Variants in PBK observed in about 807,000 individuals in gnomAD.
PBK encodes PDZ binding kinase, also known as lymphokine-activated killer T-cell-originated protein kinase.
In PBK, 22 loss-of-function variants were observed where a neutral mutation model predicts 33.5. That is an observed-to-expected ratio of 0.66 (90% CI 0.47 to 0.94). The LOEUF (loss-of-function observed/expected upper bound fraction) is 0.94, where lower values mean the gene tolerates loss of function less well. Among genes scored for constraint, PBK ranks in the 40% least tolerant of loss-of-function variants. The pLI is 0.00. For synonymous variants in PBK, 129 were observed against 123.8 expected, an observed-to-expected ratio of 1.04 and a Z score of -0.28; for missense variants, 376 against 383.4, an observed-to-expected ratio of 0.98 and a Z score of 0.16.
intron 2 of PBK, among the ~76,000 whole-genome samples, chr8:27,832,049 T>C (rs1806140669): frequency 6.6e-6 from 1 of 151,964 alleles, no homozygotes; most frequent in Non-Finnish European, 1.5e-5. Flanking sequence ...TAGACAGATA[T>C]CCCAAAAAGA....
rs1010197197 is a variant in PBK, at chr8:27,834,324, T to C, written c.-20-1191A>G. Among the ~76,000 whole-genome samples, 17 of 151,964 alleles carry C rather than the reference T, an allele frequency of 1.1e-4. 1 individual carries two copies. Among genetic ancestry groups the C allele is most frequent in the South Asian group, 4.1e-4 (2 of 4,828 alleles). Reference sequence around the variant, plus strand: ...TTACAGGCATAAGCCACCGTGCCCGTCCAATGATCCCATTTTTAGGAAATG... The same window carrying C: ...TTACAGGCATAAGCCACCGTGCCCGCCCAATGATCCCATTTTTAGGAAATG... On this transcript the variant is annotated intron_variant, in intron 1 of 7. Transcript: ENST00000301905.
chr8:27,823,802 C>A (rs10112313), intron 3 of PBK, among the ~76,000 whole-genome samples: 1 of 151,776 alleles, frequency 6.6e-6, no homozygotes, highest in East Asian at 1.9e-4. Flanking sequence ...AGCCATTTTA[C>A]AAATATTTAA....
intron 2 of PBK, among the ~76,000 whole-genome samples, chr8:27,828,574 AACATAAAGAGACTCCATCTCTAC>A (rs1165681954): frequency 4.6e-5 from 7 of 151,852 alleles, no homozygotes; most frequent in Non-Finnish European, 1.0e-4. Flanking sequence ...CAGCTTGGGC[AACATAAAGAGACTCCATCTCTAC>A]ACACGAAAAA....
At chr8:27,832,640 T>A (rs1290294916) in intron 2 of PBK, among the ~76,000 whole-genome samples, 1 of 152,226 alleles carries the variant, frequency 6.6e-6, no homozygotes, top group Non-Finnish European at 1.5e-5. Flanking sequence ...ATTGTAGCTA[T>A]TTTTTATATA....
At chr8:27,822,514 A>T in intron 4 of PBK, 26 bp from the exon 5 acceptor site, 2 of 1,487,420 alleles carry the variant, frequency 1.3e-6, no homozygotes, top group Non-Finnish European at 1.8e-6. Context: ...ACATTTCTTC[A>T]CTAATATAGA....
Position 27,810,070 on chromosome 8 carries a change from A to AT in PBK, c.*234dup. ...AGTGTTTTAAGTCAGCATGAGCAGT[A>AT]TCAAAGTACTTATGTAGCTAGTTTC... On this transcript the variant is annotated 3_prime_UTR_variant, in exon 8 of 8. Coordinates refer to ENST00000301905, the MANE Select transcript of PBK (RefSeq NM_018492.4). 2.0e-6 allele frequency: 1 copy of AT among 487,994 alleles called. No individual in the cohort carries two copies. Among genetic ancestry groups the AT allele is most frequent in the Non-Finnish European group, 3.6e-6 (1 of 277,628 alleles). The allele number at this position is 487,994 out of a possible 1,614,324, so 30.2% of individuals were successfully genotyped here.
intron 6 of PBK, chr8:27,812,624 G>GAAAAAAAAAA (rs34477454): frequency 1.6e-5 from 2 of 124,628 alleles, no homozygotes; most frequent in African/African-American, 3.0e-5. Context: ...AAATTTACAA[G>GAAAAAAAAAA]AAAAAAAAAA....
intron 6 of PBK, among the ~76,000 whole-genome samples, chr8:27,818,023 C>G (rs1315933644): frequency 4.6e-5 from 7 of 152,190 alleles, no homozygotes; most frequent in Non-Finnish European, 2.9e-5. Context: ...CAGCTCATAA[C>G]TACTGTATTG....
chr8:27,811,658 T>A (rs1351998750), intron 6 of PBK, among the ~76,000 whole-genome samples: 2 of 152,152 alleles, frequency 1.3e-5, no homozygotes, highest in Non-Finnish European at 1.5e-5. Context: ...TAAACTTGAG[T>A]CAACTTGTCA....
At chr8:27,821,012 C>T (rs780603800) in intron 5 of PBK, among the ~76,000 whole-genome samples, 3 of 151,632 alleles carry the variant, frequency 2.0e-5, no homozygotes, top group Non-Finnish European at 2.9e-5. Context: ...TTAGTAAAGA[C>T]GAGGTTTCAC....
chr8:27,828,938 G>C (rs1396188182), intron 2 of PBK, among the ~76,000 whole-genome samples: 1 of 152,124 alleles, frequency 6.6e-6, no homozygotes, highest in Non-Finnish European at 1.5e-5. Context: ...CCTGAGAGAA[G>C]AGAAACAAAT....
intron 3 of PBK, among the ~76,000 whole-genome samples, chr8:27,827,592 T>C (rs1806049851): frequency 6.6e-6 from 1 of 152,224 alleles, no homozygotes; most frequent in African/African-American, 2.4e-5. Flanking sequence ...ATTGGCACCA[T>C]ACTTGTTCGA....
At chr8:27,835,831 G>C (rs973244828) in intron 1 of PBK, among the ~76,000 whole-genome samples, 1 of 152,234 alleles carries the variant, frequency 6.6e-6, no homozygotes, top group Non-Finnish European at 1.5e-5. Context: ...TTACAGGCGT[G>C]AGCCACCACA....
intron 5 of PBK, among the ~76,000 whole-genome samples, chr8:27,822,070 ACT>A (rs1457633496): frequency 1.3e-5 from 2 of 152,082 alleles, no homozygotes; most frequent in African/African-American, 4.8e-5. Flanking sequence ...GTGTAAGTAC[ACT>A]CTATGATGTC....
Position 27,828,117 on chromosome 8 carries a change from T to TAA in PBK, c.139_140insTT (p.Tyr47PhefsTer3). On this transcript the variant is annotated frameshift_variant, in exon 3 of 8. Transcript: ENST00000301905. LOFTEE classifies it high-confidence loss of function. ...ATCTTATACTTACCTTTTCATTAGG[T>TAA]ACACATTTACCCCAGTACCAAAGCC... The TAA allele has an allele frequency of 6.6e-7, 1 of 1,505,178 alleles. No homozygotes were observed. The highest frequency in any genetic ancestry group is 9.2e-7 in the Non-Finnish European group (1 of 1,083,322). The allele number at this position is 1,505,178 out of a possible 1,614,324, so 93.2% of individuals were successfully genotyped here.
Position 27,811,116 on chromosome 8 carries a change from C to T in PBK, c.614G>A (p.Cys205Tyr). Reference protein sequence around the residue: ...ENMTVTDPEACYIGTEPWKPK... With the variant: ...ENMTVTDPEAYYIGTEPWKPK... ...TTTCCATGGCTCTGTGCCAATGTAA[C>T]AAGCCTCAGGGTCAGTCACTGAAAC... Residue 205 changes from cysteine to tyrosine, a missense_variant, in exon 7 of 8, where the codon TGT becomes TAT. Coordinates refer to ENST00000301905, the MANE Select transcript of PBK (RefSeq NM_018492.4). 1 of 1,613,946 alleles carries T rather than the reference C, an allele frequency of 6.2e-7. No individual in the cohort carries two copies.
intron 1 of PBK, among the ~76,000 whole-genome samples, chr8:27,836,721 T>G (rs1382076384): frequency 6.6e-6 from 1 of 152,180 alleles, no homozygotes; most frequent in East Asian, 1.9e-4. Context: ...GAGGATTTGA[T>G]ATTCAGAAGC....
rs775781182 is a variant in PBK at position 27,810,335 on chromosome 8, G to A, written c.939C>T (p.His313=). 1 of 1,612,296 alleles carries A rather than the reference G, an allele frequency of 6.2e-7. No homozygotes were observed. Among genetic ancestry groups the A allele is most frequent in the Non-Finnish European group, 8.5e-7 (1 of 1,178,548 alleles). The change falls in exon 8 of 8, where the codon CAC becomes CAT. Residue 313 remains histidine (H), a synonymous_variant. Transcript: ENST00000301905. ...EDPKDRPSAA[H]IVEALETDV ...CATCTGTTTCCAGAGCTTCAACAAT[G>A]TGTGCAGCAGAAGGACGATCTTTAG...
chr8:27,810,915 G>T, intron 7 of PBK, 43 bp downstream of exon 7: 1 of 1,216,462 alleles, frequency 8.2e-7, no homozygotes, highest in Non-Finnish European at 1.2e-6. Context: ...TCTTTAGTGT[G>T]AAATGAAGAG....
Sources: allele counts gnomAD v4.1 joint callset (sites outside exome capture counted in the v4.1 genomes callset), GRCh38; gene constraint gnomAD v4.1.1; transcripts MANE v1.5; gene names NCBI Gene and HGNC (gene_info 2026-07-23, HGNC 2026-07-21).